MAPKAP1: variants seen among roughly 807,000 people sequenced by gnomAD.
The protein encoded by MAPKAP1 is target of rapamycin complex 2 subunit MAPKAP1.
MAPKAP1 carries 20 observed loss-of-function variants against 65.7 expected under a neutral mutation model. The observed-to-expected ratio is 0.30, with a 90% confidence interval of 0.21 to 0.44. MAPKAP1 has a LOEUF of 0.44. Ranked by LOEUF, MAPKAP1 falls within the 20% of genes least tolerant of loss-of-function variation. The probability of loss-of-function intolerance (pLI) is 1.00; values close to 1 mark genes in which losing one functional copy is unlikely to be tolerated. For missense variants in MAPKAP1, 423 were observed against 648.0 expected (o/e 0.65, Z 3.77); for synonymous variants, 222 against 244.3 (o/e 0.91, Z 0.85).
At chr9:125,524,392 C>T (rs1475267656) in intron 7 of MAPKAP1, among the ~76,000 whole-genome samples, 2 of 152,242 alleles carry the variant, frequency 1.3e-5, no homozygotes, top group Non-Finnish European at 2.9e-5. Flanking sequence ...TAGTTTGGCA[C>T]ATAAGTGCTC....
chr9:125,482,035 G>A (rs1854336744), intron 9 of MAPKAP1, among the ~76,000 whole-genome samples: 1 of 151,338 alleles, frequency 6.6e-6, no homozygotes, highest in Non-Finnish European at 1.5e-5. Context: ...GGGAGGCTGA[G>A]GCAGGAGAAT....
intron 10 of MAPKAP1, among the ~76,000 whole-genome samples, chr9:125,449,854 G>A (rs573520302): frequency 6.6e-6 from 1 of 152,246 alleles, no homozygotes; most frequent in East Asian, 1.9e-4. Context: ...TCACAACCCT[G>A]CTAAAAGAGG....
intron 3 of MAPKAP1, among the ~76,000 whole-genome samples, chr9:125,659,190 T>C (rs1321963801): frequency 6.6e-6 from 1 of 152,306 alleles, no homozygotes; most frequent in East Asian, 1.9e-4. Flanking sequence ...AAATGATCCT[T>C]TATTAAGCAT....
At chr9:125,534,888 T>G (rs1830030482) in intron 7 of MAPKAP1, among the ~76,000 whole-genome samples, 1 of 152,212 alleles carries the variant, frequency 6.6e-6, no homozygotes. Flanking sequence ...CTGCTTCCCA[T>G]GTGCACCCAG....
intron 4 of MAPKAP1, among the ~76,000 whole-genome samples, chr9:125,629,252 C>G (rs114830095): frequency 1.3e-5 from 2 of 152,152 alleles, no homozygotes; most frequent in Non-Finnish European, 2.9e-5. Flanking sequence ...TGGGTATACA[C>G]GCAAAAGAAC....
chr9:125,526,516 T>C (rs1003318134), intron 7 of MAPKAP1, among the ~76,000 whole-genome samples: 3 of 152,230 alleles, frequency 2.0e-5, no homozygotes, highest in African/African-American at 7.2e-5. Context: ...TATACTCATA[T>C]AACATTTTGG....
At chr9:125,625,262 A>AT (rs1564589611) in intron 4 of MAPKAP1, among the ~76,000 whole-genome samples, 1 of 86,556 alleles carries the variant, frequency 1.2e-5, no homozygotes, top group Non-Finnish European at 2.9e-5. Context: ...AAATAAAAAA[A>AT]AAAAAAAAAA....
intron 8 of MAPKAP1, among the ~76,000 whole-genome samples, chr9:125,485,703 ACCTC>A (rs1322783675): frequency 6.6e-6 from 1 of 151,604 alleles, no homozygotes; most frequent in African/African-American, 2.4e-5. Context: ...CTCAAACTCT[ACCTC>A]TCCTGTGAAA....
intron 6 of MAPKAP1, among the ~76,000 whole-genome samples, chr9:125,545,803 A>C (rs1199533094): frequency 1.3e-5 from 2 of 152,218 alleles, no homozygotes; most frequent in African/African-American, 4.8e-5. Flanking sequence ...TACCTGGGTG[A>C]CAAGGTTAAA....
intron 10 of MAPKAP1, among the ~76,000 whole-genome samples, chr9:125,459,524 C>T (rs1225344401): frequency 1.3e-5 from 2 of 152,114 alleles, no homozygotes; most frequent in African/African-American, 4.8e-5. Flanking sequence ...GCCTGGGCAC[C>T]ATTGAGCACT....
intron 5 of MAPKAP1, among the ~76,000 whole-genome samples, chr9:125,577,851 C>A (rs13283373): frequency 3.4e-5 from 5 of 146,430 alleles, no homozygotes; most frequent in Non-Finnish European, 3.0e-5. Context: ...CGTCCGGGAG[C>A]TGAGGGGCGC....
At chr9:125,647,769 G>A (rs926127226) in intron 4 of MAPKAP1, among the ~76,000 whole-genome samples, 5 of 152,102 alleles carry the variant, frequency 3.3e-5, no homozygotes, top group Admixed American at 2.6e-4. Flanking sequence ...TGTTTGAAAT[G>A]AGCCAGTACA....
At position 125,698,333 on chromosome 9, in the gene MAPKAP1, ATAT is replaced by A. The variant is rs1588088768; in HGVS notation, c.-70+8635_-70+8637del. On this transcript the variant is annotated intron_variant, in intron 1 of 11. Coordinates refer to ENST00000265960, the MANE Select transcript of MAPKAP1 (RefSeq NM_001006617.3). ...TATATATATATATATATATATATAT[ATAT>A]AAAATATATATATTTTTTGAGATGG... 5.7e-5 allele frequency among the ~76,000 whole-genome samples: 6 copies of A among 105,450 alleles called. No individual in the cohort carries two copies. The East Asian group carries it at 8.2e-4, about 14-fold the overall frequency. The allele number at this position is 105,450 out of a possible 152,430, so 69.2% of individuals were successfully genotyped here. A position where few individuals can be genotyped will look rare whatever the true frequency, so the allele number is the denominator to read the frequency against.
intron 1 of MAPKAP1, among the ~76,000 whole-genome samples, chr9:125,673,468 C>T (rs1450786928): frequency 2.6e-5 from 4 of 152,156 alleles, no homozygotes; most frequent in South Asian, 2.1e-4. Flanking sequence ...TCAGTTGATC[C>T]GCCCGCCTTG....
At chr9:125,699,107 A>G (rs1835520243) in intron 1 of MAPKAP1, among the ~76,000 whole-genome samples, 1 of 152,198 alleles carries the variant, frequency 6.6e-6, no homozygotes, top group African/African-American at 2.4e-5. Context: ...ATTTTCATAT[A>G]TATCATGCAG....
At chr9:125,704,285 A>G (rs1244855927) in intron 1 of MAPKAP1, among the ~76,000 whole-genome samples, 1 of 152,216 alleles carries the variant, frequency 6.6e-6, no homozygotes, top group East Asian at 1.9e-4. Context: ...CAGTTTCCTC[A>G]TCTGTAAAAT....
intron 4 of MAPKAP1, among the ~76,000 whole-genome samples, chr9:125,609,889 A>G (rs1188451574): frequency 2.6e-5 from 4 of 152,240 alleles, no homozygotes; most frequent in Admixed American, 6.5e-5. Flanking sequence ...AGTGTGCCAC[A>G]TAAATTCTCT....
In MAPKAP1 at chr9:125,570,094, G is replaced by A. The variant is rs1260259071; in HGVS notation, c.672-10285C>T. ...CTTAAAGCCATTAAATGCTAGATAA[G>A]GCCTGGGGACATGTGGAACTAGCCA... On this transcript the variant is annotated intron_variant, in intron 5 of 11. Coordinates refer to ENST00000265960, the MANE Select transcript of MAPKAP1 (RefSeq NM_001006617.3). 3.3e-5 allele frequency among the ~76,000 whole-genome samples: 5 copies of A among 152,294 alleles called. No homozygotes were observed. In the East Asian group the frequency reaches 7.7e-4, roughly 23 times the overall value.
chr9:125,652,546 T>C (rs1344746489), intron 4 of MAPKAP1, among the ~76,000 whole-genome samples: 1 of 152,212 alleles, frequency 6.6e-6, no homozygotes, highest in East Asian at 1.9e-4. Context: ...AATAGAGAAA[T>C]GGTTACTTTC....
Sources: allele counts gnomAD v4.1 joint callset (sites outside exome capture counted in the v4.1 genomes callset), GRCh38; gene constraint gnomAD v4.1.1; transcripts MANE v1.5; gene names NCBI Gene and HGNC (gene_info 2026-07-23, HGNC 2026-07-21).